The following R3HDM1 variants were observed in gnomAD, a reference collection of about 807,000 sequenced individuals.
R3HDM1 encodes R3H domain-containing protein 1.
R3HDM1 carries 46 observed loss-of-function variants against 141.1 expected under a neutral mutation model. The observed-to-expected ratio is 0.33, with a 90% CI of 0.26 to 0.42. The LOEUF (loss-of-function observed/expected upper bound fraction) is 0.42, where lower values mean the gene tolerates loss of function less well. Ranked by LOEUF, R3HDM1 falls within the 10% of genes least tolerant of loss-of-function variation. The pLI is 1.00. For missense variants in R3HDM1, 1,184 were observed against 1,368.3 expected (o/e 0.87, Z 2.12); for synonymous variants, 435 against 472.9 (o/e 0.92, Z 1.04).
At chr2:135,544,839 CTGTT>C (rs1698355201) in intron 1 of R3HDM1, among the ~76,000 whole-genome samples, 1 of 152,118 alleles carries the variant, frequency 6.6e-6, no homozygotes, top group Non-Finnish European at 1.5e-5. Context: ...TGGTGCACTC[CTGTT>C]AATCCCAGCT....
chr2:135,646,848 A>G (rs2105265032), intron 16 of R3HDM1, among the ~76,000 whole-genome samples: 1 of 151,136 alleles, frequency 6.6e-6, no homozygotes. Flanking sequence ...ATCTCAAAAA[A>G]AAAAAAAATT....
At chr2:135,696,949 A>G (rs941574094) in intron 21 of R3HDM1, among the ~76,000 whole-genome samples, 1 of 152,240 alleles carries the variant, frequency 6.6e-6, no homozygotes, top group African/African-American at 2.4e-5. Context: ...AACTAACTGT[A>G]AAACCTGTTA....
At chr2:135,610,957 A>G (rs909021760) in intron 3 of R3HDM1, among the ~76,000 whole-genome samples, 1 of 151,892 alleles carries the variant, frequency 6.6e-6, no homozygotes, top group African/African-American at 2.4e-5. Context: ...TAAAAATAAA[A>G]AAATTATTCA....
intron 16 of R3HDM1, 28 bp from the exon 17 acceptor site, chr2:135,649,874 C>CA: frequency 8.4e-7 from 1 of 1,184,148 alleles, no homozygotes; most frequent in Non-Finnish European, 1.1e-6. Flanking sequence ...CTGACATTAA[C>CA]ATTGTTTGCC....
chr2:135,680,182 C>T lies in R3HDM1; in HGVS notation c.2317C>T (p.Pro773Ser). Residue 773 changes from proline to serine, a missense_variant, in exon 21 of 27, where the codon CCT becomes TCT. Around this residue, in one of 5 missense-constraint regions of R3HDM1, gnomAD observed 563 missense variants for 562.0 expected, o/e 1.00. Transcript: ENST00000683871. ...TSVPTYQVSL[P>S]QGSQGIPHQT... ...GTCTTTCAAATTTTAGGTTTCACTG[C>T]CTCAAGGTTCTCAAGGAATTCCCCA... is the stretch of plus-strand genomic sequence containing the variant. 1.9e-6 allele frequency: 3 copies of T among 1,613,298 alleles called. No homozygotes were observed. Among genetic ancestry groups the T allele is most frequent in the African/African-American group, 1.3e-5 (1 of 74,992 alleles).
At chr2:135,652,914 C>A (rs564947108) in intron 18 of R3HDM1, among the ~76,000 whole-genome samples, 2 of 152,182 alleles carry the variant, frequency 1.3e-5, no homozygotes, top group African/African-American at 4.8e-5. Flanking sequence ...TAAAATTGTT[C>A]TTAATATCCC....
chr2:135,704,050 A>G lies in R3HDM1; in HGVS notation c.2460-5383A>G, dbSNP rs190612449. On this transcript the variant is annotated intron_variant, in intron 21 of 26. Coordinates refer to ENST00000683871, the MANE Select transcript of R3HDM1 (RefSeq NM_001378107.1). ...GGCTGGAGTGCAGTGGTGTGATCTC[A>G]GCTCACTGCAACCTCCGCCTCCTAG... Among the ~76,000 whole-genome samples, 935 of 152,182 alleles carry G rather than the reference A, an allele frequency of 6.1e-3. 8 individuals carry two copies. The highest frequency in any genetic ancestry group is 0.04 in the South Asian group (194 of 4,812).
Position 135,723,953 on chromosome 2 carries a change from G to T in R3HDM1, c.3066G>T (p.Leu1022Phe). ...GAGETVVGKVLEITELPDGIT... is the reference protein window; with the variant it reads ...GAGETVVGKVFEITELPDGIT... ...CTATTCTAGTTGTTGGGAAGGTCTT[G>T]GAAATTACTGAACTACCAGATGGAA... The change falls in exon 27 of 27, where the codon TTG (leucine) becomes TTT (phenylalanine). Residue 1022 changes from leucine (L) to phenylalanine (F), a missense_variant. This residue lies in a region of R3HDM1 where 182 missense variants were observed against 252.6 expected (regional missense o/e 0.72). Transcript: ENST00000683871. The T allele has an allele frequency of 1.2e-6, 2 of 1,611,098 alleles. No homozygotes were observed. Among genetic ancestry groups the T allele is most frequent in the Non-Finnish European group, 1.7e-6 (2 of 1,177,860 alleles).
intron 1 of R3HDM1, among the ~76,000 whole-genome samples, chr2:135,539,708 G>A (rs542400206): frequency 1.3e-3 from 200 of 152,084 alleles, no homozygotes; most frequent in African/African-American, 4.7e-3. Flanking sequence ...TATTTAAAGT[G>A]TGAAGAGCAT....
intron 21 of R3HDM1, among the ~76,000 whole-genome samples, 190 bp downstream of exon 21, chr2:135,680,514 A>G (rs1318310964): frequency 6.6e-6 from 1 of 152,246 alleles, no homozygotes; most frequent in Non-Finnish European, 1.5e-5. Context: ...TCACGCCTAT[A>G]ATCCCAGCAC....
Position 135,616,152 on chromosome 2 carries a change from C to T in R3HDM1, c.172C>T (p.Arg58Trp), listed in dbSNP as rs752261713. 7.4e-6 allele frequency: 12 copies of T among 1,611,822 alleles called. No homozygotes were observed. In the Admixed American group the frequency reaches 1.2e-4, roughly 16 times the overall value. ...ATACAAATCTTTCTTGTATATTCAG[C>T]GGCCATTGCAGTCATTTGGACAGAC... ...HCIENNIDLQRPLQSFGQTGK... is the reference protein window; with the variant it reads ...HCIENNIDLQWPLQSFGQTGK... Residue 58 changes from arginine (R) to tryptophan (W), a missense_variant and splice_region_variant, in exon 4 of 27, where the codon CGG becomes TGG. Arg to Trp is a moderately radical substitution (Grantham distance 101). This residue lies in a region of R3HDM1 where 192 missense variants were observed against 215.7 expected (regional missense o/e 0.89). Transcript: ENST00000683871.
At chr2:135,581,363 C>G in intron 1 of R3HDM1, 1 of 985,138 alleles carries the variant, frequency 1.0e-6, no homozygotes, top group Non-Finnish European at 1.2e-6. Flanking sequence ...TGGAACATTT[C>G]ACTTTACCTT....
intron 19 of R3HDM1, 144 bp from the exon 20 acceptor site, chr2:135,675,187 AT>A (rs1371314751): frequency 6.4e-6 from 5 of 777,860 alleles, no homozygotes; most frequent in Non-Finnish European, 9.7e-6. Flanking sequence ...CTAAAATGTT[AT>A]TTCATAATAG....
intron 1 of R3HDM1, among the ~76,000 whole-genome samples, chr2:135,535,978 A>G (rs1158720173): frequency 1.3e-5 from 2 of 152,080 alleles, no homozygotes; most frequent in East Asian, 3.9e-4. Context: ...ATACACACCT[A>G]TTAACTTTAA....
At chr2:135,645,894 G>C (rs967784247) in intron 16 of R3HDM1, among the ~76,000 whole-genome samples, 1 of 152,196 alleles carries the variant, frequency 6.6e-6, no homozygotes, top group Non-Finnish European at 1.5e-5. Flanking sequence ...TAAGCAGTTA[G>C]AAGAAACTGA....
chr2:135,722,436 A>AAC, intron 25 of R3HDM1, 33 bp from the exon 26 acceptor site: 1 of 1,605,656 alleles, frequency 6.2e-7, no homozygotes, highest in Non-Finnish European at 8.5e-7. Context: ...CAGCATTATT[A>AAC]ACGTTGTTTC....
Position 135,621,633 on chromosome 2 carries a change from TAAA to T in R3HDM1, c.418+32_418+34del, listed in dbSNP as rs200788359. ...GGTTTGCAGTTCTTTTGTTTTTTTT[TAAA>T]AAAAAATTTTGCTATCAGTAATTCC... is the stretch of plus-strand genomic sequence containing the variant. On this transcript the variant is annotated intron_variant, in intron 6 of 26. Coordinates refer to ENST00000683871, the MANE Select transcript of R3HDM1 (RefSeq NM_001378107.1). The T allele has an allele frequency of 2.7e-4, 382 of 1,392,404 alleles. 2 individuals carry two copies. In the African/African-American group the frequency reaches 6.4e-3, roughly 23 times the overall value. 86.3% of individuals were successfully genotyped at this position (1,392,404 alleles called of 1,614,324 possible).
chr2:135,651,250 C>T (rs944953594), intron 17 of R3HDM1: 37 of 985,014 alleles, frequency 3.8e-5, no homozygotes, highest in South Asian at 9.4e-5. Flanking sequence ...AAATAATTTT[C>T]GTGGTTAGGG....
intron 1 of R3HDM1, among the ~76,000 whole-genome samples, chr2:135,592,253 A>G (rs1239589761): frequency 6.6e-6 from 1 of 152,252 alleles, no homozygotes; most frequent in Non-Finnish European, 1.5e-5. Flanking sequence ...CATTTCCATC[A>G]GTCCAGAAAT....
Sources: gnomAD v4.1 joint callset for allele counts (sites outside exome capture counted in the v4.1 genomes callset) on GRCh38, gnomAD v4.1.1 for gene constraint, gnomAD v4.1.1 regional missense constraint, MANE v1.5 for transcripts, NCBI Gene and HGNC (gene_info 2026-07-23, HGNC 2026-07-21) for gene names.